GLRA2: variants seen among roughly 807,000 people sequenced by gnomAD.
The protein encoded by GLRA2 is glycine receptor subunit alpha-2.
In GLRA2, 11 loss-of-function variants were observed where a neutral mutation model predicts 31.6. The ratio of observed to expected loss-of-function variants is 0.35; its 90% CI spans 0.22 to 0.58. The LOEUF is 0.58. GLRA2 is among the 20% of genes least tolerant of loss of function. The pLI is 0.84. For missense variants in GLRA2, 212 were observed against 351.8 expected, an observed-to-expected ratio of 0.60 and a Z score of 3.18; for synonymous variants, 132 against 134.0, an observed-to-expected ratio of 0.99 and a Z score of 0.10.
intron 2 of GLRA2, among the ~76,000 whole-genome samples, chrX:14,538,893 G>A (rs576955668): frequency 3.8e-4 from 42 of 111,656 alleles, no homozygotes; most frequent in African/African-American, 9.4e-4. Context: ...AACATGGCAG[G>A]TTAAGCGTAC....
At chrX:14,725,532 G>A (rs955951607) in intron 8 of GLRA2, among the ~76,000 whole-genome samples, 1 of 111,947 alleles carries the variant, frequency 8.9e-6, no homozygotes, top group African/African-American at 3.2e-5. Context: ...TGAGAAATGC[G>A]ATGGAAAGAT....
At chrX:14,495,604 A>G in the GLRA2 span, among the ~76,000 whole-genome samples, 129 of 109,122 alleles carry the variant, frequency 1.2e-3, 1 homozygote, top group African/African-American at 4.0e-3. Flanking sequence ...ATATATACGC[A>G]CTATATATGT....
At chrX:14,458,733 T>G in the GLRA2 span, among the ~76,000 whole-genome samples, 1 of 111,903 alleles carries the variant, frequency 8.9e-6, no homozygotes, top group African/African-American at 3.3e-5. Flanking sequence ...GTTTTTTTCT[T>G]GTAAATTTGT....
rs1439693669 is a variant in GLRA2 at position 14,690,834 on chromosome X, G to A, written c.1055G>A (p.Arg352Gln). ...SRQHKEFLRL[R>Q]RRQKRQNKEE... ...CAACACAAGGAGTTCCTGCGCCTCC[G>A]AAGAAGACAGAAGAGGCAGAATAAG... Residue 352 changes from arginine to glutamine, a missense_variant, in exon 8 of 9, where the codon CGA becomes CAA. Physicochemically the swap from Arg to Gln is conservative, Grantham distance 43. Transcript: ENST00000218075. The A allele has an allele frequency of 2.5e-6, 3 of 1,207,922 alleles. No homozygotes were observed. The highest frequency in any genetic ancestry group is 4.6e-4 in the Middle Eastern group (2 of 4,342).
chrX:14,604,905 G>A (rs1015813415), intron 5 of GLRA2, among the ~76,000 whole-genome samples: 1 of 110,450 alleles, frequency 9.1e-6, no homozygotes, highest in African/African-American at 3.3e-5. Flanking sequence ...ATGTAAGAAT[G>A]AGGGGCATGA....
chrX:14,707,132 C>T (rs778805904), intron 8 of GLRA2, among the ~76,000 whole-genome samples: 1 of 111,956 alleles, frequency 8.9e-6, no homozygotes, highest in East Asian at 2.8e-4. Context: ...GGAATTACTG[C>T]CATTGAATTC....
At chrX:14,574,850 TTAAA>T (rs1254730944) in intron 3 of GLRA2, among the ~76,000 whole-genome samples, 3 of 111,677 alleles carry the variant, frequency 2.7e-5, no homozygotes, top group Non-Finnish European at 3.8e-5. Flanking sequence ...TTATGGATAT[TTAAA>T]TAGGTGCATC....
At chrX:14,574,538 G>T (rs2089927137) in intron 3 of GLRA2, 138 bp downstream of exon 3, 2 of 1,196,922 alleles carry the variant, frequency 1.7e-6, no homozygotes, top group Non-Finnish European at 2.3e-6. Context: ...ACAGCTTTGG[G>T]TCAATAGCAG....
chrX:14,696,527 C>T (rs1179100215), intron 8 of GLRA2, among the ~76,000 whole-genome samples: 1 of 111,432 alleles, frequency 9.0e-6, no homozygotes, highest in Non-Finnish European at 1.9e-5. Context: ...TATTGAAGAT[C>T]CCCCAATAAA....
intron 7 of GLRA2, among the ~76,000 whole-genome samples, chrX:14,657,856 C>T (rs1275584494): frequency 1.8e-5 from 2 of 111,851 alleles, no homozygotes; most frequent in African/African-American, 3.3e-5. Flanking sequence ...TCATTTGACT[C>T]TGGCAATGCA....
intron 8 of GLRA2, among the ~76,000 whole-genome samples, chrX:14,691,302 TGTGTGTGTGTGTGTGTGTGTGTGC>T (rs915064415): frequency 2.9e-5 from 3 of 105,055 alleles, no homozygotes; most frequent in African/African-American, 7.3e-5. Context: ...TGTGTGTGTG[TGTGTGTGTGTGTGTGTGTGTGTGC>T]GCGCGTGCGT....
intron 7 of GLRA2, among the ~76,000 whole-genome samples, chrX:14,679,224 G>T (rs2091174594): frequency 9.1e-6 from 1 of 110,003 alleles, no homozygotes; most frequent in Admixed American, 9.7e-5. Context: ...TTCAAGAAAT[G>T]GAAATACCAA....
chrX:14,680,772 A>G (rs1485106125), intron 7 of GLRA2, among the ~76,000 whole-genome samples: 1 of 112,182 alleles, frequency 8.9e-6, no homozygotes, highest in Non-Finnish European at 1.9e-5. Flanking sequence ...AATGATTAAG[A>G]GACTGAAAGG....
At chrX:14,575,970 C>T (rs1233094199) in intron 3 of GLRA2, among the ~76,000 whole-genome samples, 1 of 109,206 alleles carries the variant, frequency 9.2e-6, no homozygotes, top group African/African-American at 3.3e-5. Flanking sequence ...TACAACCATT[C>T]ATTTGATAAA....
At chrX:14,499,990 T>C in the GLRA2 span, among the ~76,000 whole-genome samples, 1 of 112,212 alleles carries the variant, frequency 8.9e-6, no homozygotes, top group East Asian at 2.8e-4. Context: ...TCAGATAGTT[T>C]GCAAATATTT....
the GLRA2 span, among the ~76,000 whole-genome samples, chrX:14,472,998 G>A: frequency 1.8e-5 from 2 of 111,268 alleles, no homozygotes; most frequent in Non-Finnish European, 3.8e-5. Context: ...CCTTTGGACA[G>A]TGGAGCGAGG....
intron 8 of GLRA2, among the ~76,000 whole-genome samples, chrX:14,693,457 C>T (rs1487215869): frequency 9.0e-6 from 1 of 111,225 alleles, no homozygotes; most frequent in East Asian, 2.8e-4. Context: ...AATAACATGG[C>T]CTCAGAATAC....
At chrX:14,639,096 C>G (rs2090746432) in intron 7 of GLRA2, among the ~76,000 whole-genome samples, 1 of 111,469 alleles carries the variant, frequency 9.0e-6, no homozygotes, top group Non-Finnish European at 1.9e-5. Flanking sequence ...CTTGCTACCT[C>G]TTAAGGCTGC....
At chrX:14,707,203 GA>G (rs2091636583) in intron 8 of GLRA2, among the ~76,000 whole-genome samples, 1 of 111,528 alleles carries the variant, frequency 9.0e-6, no homozygotes, top group Admixed American at 9.5e-5. Context: ...ATATGAGAGA[GA>G]AGCATGACAT....
Sources: allele counts gnomAD v4.1 joint callset (sites outside exome capture counted in the v4.1 genomes callset), GRCh38; gene constraint gnomAD v4.1.1; transcripts MANE v1.5; gene names NCBI Gene and HGNC (gene_info 2026-07-23, HGNC 2026-07-21).